Variants in AGAP1 observed in about 807,000 individuals in gnomAD.
AGAP1 encodes the protein arf-GAP with GTPase, ANK repeat and PH domain-containing protein 1.
In AGAP1, 29 loss-of-function variants were observed where a neutral mutation model predicts 105.3. That is an observed-to-expected ratio of 0.28 (90% CI 0.21 to 0.38). AGAP1 has a LOEUF of 0.38. Ranked by LOEUF, AGAP1 falls within the 10% of genes least tolerant of loss-of-function variation. The probability of loss-of-function intolerance (pLI) is 1.00; values close to 1 mark genes in which losing one functional copy is unlikely to be tolerated. For synonymous variants in AGAP1, 509 were observed against 485.9 expected, an observed-to-expected ratio of 1.05 and a Z score of -0.63; for missense variants, 998 against 1,165.1, an observed-to-expected ratio of 0.86 and a Z score of 2.09.
intron 13 of AGAP1, among the ~76,000 whole-genome samples, chr2:235,975,843 A>C (rs2054837515): frequency 6.6e-6 from 1 of 152,214 alleles, no homozygotes; most frequent in Admixed American, 6.5e-5. Flanking sequence ...GGGAACGAGA[A>C]GTCTCCACAA....
In AGAP1 at chr2:235,965,757, A is replaced by G. The variant is rs2054362596; in HGVS notation, c.1484-2705A>G. ...GTTGAGACTGTGGCTTCAAGGGTTA[A>G]GGAAATAACCCTTTAAGGAATAATG... On this transcript the variant is annotated intron_variant, in intron 12 of 17. Coordinates refer to ENST00000304032, the MANE Select transcript of AGAP1 (RefSeq NM_001037131.3). This position sits in a 1 kb window ranked among gnomAD's most constrained non-coding sequence, Gnocchi z 5.8. Among the ~76,000 whole-genome samples the G allele has an allele frequency of 6.6e-6, 1 of 152,160 alleles. No individual in the cohort carries two copies. The highest frequency in any genetic ancestry group is 1.9e-4 in the East Asian group (1 of 5,180).
At chr2:235,935,826 G>T (rs998610451) in intron 12 of AGAP1, among the ~76,000 whole-genome samples, 2 of 152,156 alleles carry the variant, frequency 1.3e-5, no homozygotes, top group Admixed American at 6.5e-5. Flanking sequence ...ATCACTGTGG[G>T]TAGCAGGGGC....
At position 236,130,790 on chromosome 2, in the gene AGAP1, G is replaced by A. The variant is rs947353848; in HGVS notation, c.*6668G>A. 1.3e-5 allele frequency: 2 copies of A among 152,590 alleles called. No individual in the cohort carries two copies. The highest frequency in any genetic ancestry group is 4.8e-5 in the African/African-American group (2 of 41,444). The allele number at this position is 152,590 out of a possible 1,614,324, so 9.5% of individuals were successfully genotyped here. ...CCCTGGGCAAATGCATTTCCTGCCT[G>A]GGTTCTCAGGGTAGGAGAACAGAGA... is the stretch of plus-strand genomic sequence containing the variant. On this transcript the variant is annotated 3_prime_UTR_variant, in exon 18 of 18. Transcript: ENST00000304032. This position sits in a 1 kb window ranked among gnomAD's most constrained non-coding sequence, Gnocchi z 5.8.
chr2:235,836,972 T>C (rs1386273521), intron 9 of AGAP1, among the ~76,000 whole-genome samples: 1 of 151,226 alleles, frequency 6.6e-6, no homozygotes, highest in Non-Finnish European at 1.5e-5. Context: ...AAGGGTTTTT[T>C]GTTGGGTTGG....
At position 235,864,155 on chromosome 2, in the gene AGAP1, A is replaced by G. The variant is rs1381242022; in HGVS notation, c.1051-19190A>G. Among the ~76,000 whole-genome samples, 1 of 152,216 alleles carries G rather than the reference A, an allele frequency of 6.6e-6. No homozygotes were observed. The highest frequency in any genetic ancestry group is 1.5e-5 in the Non-Finnish European group (1 of 68,044). On this transcript the variant is annotated intron_variant, in intron 9 of 17. Transcript: ENST00000304032. The surrounding 1 kb of genome is among the most constrained non-coding windows in gnomAD (Gnocchi z 5.0). The stretch of plus-strand genomic sequence containing the variant: ...ATGTGTAATCTTTGCAGTGACAACA[A>G]TTTAGGGATCATTCGCTAGAATAAA...
At chr2:235,948,478 C>T (rs903271578) in intron 12 of AGAP1, among the ~76,000 whole-genome samples, 1 of 152,180 alleles carries the variant, frequency 6.6e-6, no homozygotes, top group African/African-American at 2.4e-5. Context: ...TGAGCCACTG[C>T]GCCTGGCCTA....
At position 235,675,251 on chromosome 2, in the gene AGAP1, G is replaced by A. The variant is rs1196653116; in HGVS notation, c.164-33928G>A. On this transcript the variant is annotated intron_variant, in intron 1 of 17. Coordinates refer to ENST00000304032, the MANE Select transcript of AGAP1 (RefSeq NM_001037131.3). ...GTCGCCCAGGCTGGAGTGCAGTGGCGCGATCTCAGCTCACTGCAACCTCTG... is the reference window on the plus strand; with the variant it reads ...GTCGCCCAGGCTGGAGTGCAGTGGCACGATCTCAGCTCACTGCAACCTCTG... 1.0e-4 allele frequency among the ~76,000 whole-genome samples: 15 copies of A among 148,808 alleles called. 1 individual carries two copies. The highest frequency in any genetic ancestry group is 1.9e-4 in the Non-Finnish European group (13 of 67,358).
In AGAP1 at chr2:235,794,042, A is replaced by G. The variant is rs763443683; in HGVS notation, c.674-3717A>G. Among the ~76,000 whole-genome samples, 7 of 152,206 alleles carry G rather than the reference A, an allele frequency of 4.6e-5. No individual in the cohort carries two copies. In the South Asian group the frequency reaches 6.2e-4, roughly 14 times the overall value. ...ATTATCCTCAGGTCAAGGAGGGCCT[A>G]TTTCTAGACCCCAGAAACCCCTGTG... On this transcript the variant is annotated intron_variant, in intron 6 of 17. Transcript: ENST00000304032.
intron 9 of AGAP1, among the ~76,000 whole-genome samples, chr2:235,809,774 G>T (rs188444390): frequency 2.6e-5 from 4 of 152,262 alleles, no homozygotes; most frequent in Middle Eastern, 3.4e-3. Context: ...GATGACTTCA[G>T]TGTGGAAATG....
At chr2:236,074,559 CCT>C (rs909684648) in intron 16 of AGAP1, among the ~76,000 whole-genome samples, 23 of 152,256 alleles carry the variant, frequency 1.5e-4, no homozygotes, top group African/African-American at 5.5e-4. Context: ...CTCCATAAAA[CCT>C]AACATCTACA....
intron 1 of AGAP1, among the ~76,000 whole-genome samples, chr2:235,572,843 C>G (rs916325420): frequency 2.0e-5 from 3 of 152,178 alleles, no homozygotes; most frequent in Non-Finnish European, 4.4e-5. Flanking sequence ...CACATGTGAA[C>G]AGGACCAGCT....
rs773738495 is a variant in AGAP1 at position 235,807,254 on chromosome 2, G to A, written c.973G>A (p.Asp325Asn). 8.7e-6 allele frequency: 14 copies of A among 1,610,648 alleles called. No homozygotes were observed. Among genetic ancestry groups the A allele is most frequent in the Non-Finnish European group, 1.0e-5 (12 of 1,179,106 alleles). The change falls in exon 9 of 18, where the codon GAC becomes AAC. Residue 325 changes from aspartate (D) to asparagine (N), a missense_variant. Asp to Asn is a conservative substitution (Grantham distance 23). Around this residue, in one of 3 missense-constraint regions of AGAP1, gnomAD observed 735 missense variants for 833.4 expected, o/e 0.88. Coordinates refer to ENST00000304032, the MANE Select transcript of AGAP1 (RefSeq NM_001037131.3). ...SNLFTSRKGS[D>N]PDKEKKGLES... The stretch of plus-strand genomic sequence containing the variant: ...TGCTTTGCAGTCTCGGAAAGGGAGC[G>A]ACCCAGACAAAGAGAAGAAAGGCCT...
intron 16 of AGAP1, among the ~76,000 whole-genome samples, chr2:236,103,617 C>T (rs1274621279): frequency 4.6e-5 from 7 of 150,576 alleles, no homozygotes; most frequent in Non-Finnish European, 8.8e-5. Context: ...TGTCCAGAGC[C>T]GGAGTGCAAT....
At chr2:235,538,625 G>A (rs544443282) in intron 1 of AGAP1, among the ~76,000 whole-genome samples, 67 of 152,130 alleles carry the variant, frequency 4.4e-4, no homozygotes, top group South Asian at 2.1e-3. Context: ...TCCAGTCTCC[G>A]CCACGGAGAC....
rs2055444632 is a variant in AGAP1, at chr2:235,989,056, T to C, written c.1645+20433T>C. Among the ~76,000 whole-genome samples, 1 of 152,196 alleles carries C rather than the reference T, an allele frequency of 6.6e-6. No individual in the cohort carries two copies. On this transcript the variant is annotated intron_variant, in intron 13 of 17. Coordinates refer to ENST00000304032, the MANE Select transcript of AGAP1 (RefSeq NM_001037131.3). The surrounding 1 kb of genome is among the most constrained non-coding windows in gnomAD (Gnocchi z 4.4). ...TTTTGGTTTTTCTGTTCTTCAGAGT[T>C]TGCATCCCCTGAGAATTCCTCTCCT...
intron 1 of AGAP1, among the ~76,000 whole-genome samples, chr2:235,603,721 C>T (rs1198780140): frequency 1.3e-5 from 2 of 152,146 alleles, no homozygotes; most frequent in African/African-American, 2.4e-5. Context: ...TTATCTTTTC[C>T]TCTTGACAGT....
At chr2:235,926,504 G>A (rs1422274677) in intron 11 of AGAP1, among the ~76,000 whole-genome samples, 3 of 152,308 alleles carry the variant, frequency 2.0e-5, no homozygotes, top group Admixed American at 1.3e-4. Context: ...TGAAAGGCAG[G>A]TACTGTGTTT....
rs1345261404 is a variant in AGAP1, at chr2:235,721,395, G to A, written c.310+3751G>A. The stretch of plus-strand genomic sequence containing the variant: ...CAATTAGTGAATTAACAACACAAAA[G>A]TGGGTAACACCGTAGGGAACTTGTG... On this transcript the variant is annotated intron_variant, in intron 3 of 17. Transcript: ENST00000304032. This position sits in a 1 kb window ranked among gnomAD's most constrained non-coding sequence, Gnocchi z 4.5. Among the ~76,000 whole-genome samples the A allele has an allele frequency of 6.6e-6, 1 of 152,166 alleles. No individual in the cohort carries two copies. Among genetic ancestry groups the A allele is most frequent in the African/African-American group, 2.4e-5 (1 of 41,440 alleles).
At chr2:235,544,675 C>T (rs1346100366) in intron 1 of AGAP1, among the ~76,000 whole-genome samples, 1 of 152,232 alleles carries the variant, frequency 6.6e-6, no homozygotes, top group Non-Finnish European at 1.5e-5. Context: ...GGTACCCCTG[C>T]TGGATTGTAG....
Sources: gnomAD v4.1 joint callset for allele counts (sites outside exome capture counted in the v4.1 genomes callset) on GRCh38, gnomAD v4.1.1 for gene constraint, gnomAD v4.1.1 regional missense constraint, Gnocchi (gnomAD v3.1) non-coding constraint, MANE v1.5 for transcripts, NCBI Gene and HGNC (gene_info 2026-07-23, HGNC 2026-07-21) for gene names.